Variants in MARCHF7 observed in about 807,000 individuals in gnomAD.
The protein encoded by MARCHF7 is E3 ubiquitin-protein ligase MARCHF7.
In MARCHF7, 20 loss-of-function variants were observed where a neutral mutation model predicts 76.5. The observed-to-expected ratio is 0.26, with a 90% confidence interval of 0.18 to 0.38. The LOEUF is 0.38. MARCHF7 is among the 10% of genes least tolerant of loss of function. The pLI is 1.00. For missense variants in MARCHF7, 797 were observed against 812.9 expected (o/e 0.98, Z 0.24); for synonymous variants, 295 against 293.0 (o/e 1.01, Z -0.07).
chr2:159,770,372 CTATCACTTTTT>C lies in MARCHF7; in HGVS notation c.*3031_*3041del, dbSNP rs1708100162. The stretch of plus-strand genomic sequence containing the variant: ...ATGTAGCCGCACTGTTAATAGTTTT[CTATCACTTTTT>C]AGTTACTCATGTCTCATTAATGATA... On this transcript the variant is annotated 3_prime_UTR_variant, in exon 12 of 12. Transcript: ENST00000409175. The C allele has an allele frequency of 1.3e-5, 2 of 151,226 alleles. No homozygotes were observed. The highest frequency in any genetic ancestry group is 4.9e-5 in the African/African-American group (2 of 40,552). 9.4% of individuals were successfully genotyped at this position (151,226 alleles called of 1,614,324 possible).
chr2:159,755,577 A>C (rs539424240), intron 8 of MARCHF7, among the ~76,000 whole-genome samples: 1 of 152,344 alleles, frequency 6.6e-6, no homozygotes, highest in Admixed American at 6.5e-5. Flanking sequence ...ATCGTTAGTC[A>C]GGAGGCACTG....
At chr2:159,756,612 A>G (rs184075843) in intron 8 of MARCHF7, among the ~76,000 whole-genome samples, 259 of 144,152 alleles carry the variant, frequency 1.8e-3, no homozygotes, top group African/African-American at 6.3e-3. Context: ...GCTTGAACCC[A>G]GGAGGTGGAG....
chr2:159,745,279 G>C (rs926964216), intron 5 of MARCHF7, among the ~76,000 whole-genome samples: 2 of 152,168 alleles, frequency 1.3e-5, no homozygotes, highest in Non-Finnish European at 2.9e-5. Context: ...AATTTTATAA[G>C]TGATTAGTTC....
rs3771723 is a variant in MARCHF7 at position 159,769,026 on chromosome 2, T to C, written c.*1684T>C. 33 of 152,322 alleles carry C rather than the reference T, an allele frequency of 2.2e-4. No individual in the cohort carries two copies. The East Asian group carries it at 3.5e-3, about 16-fold the overall frequency. 9.4% of individuals were successfully genotyped at this position (152,322 alleles called of 1,614,324 possible). A position where few individuals can be genotyped will look rare whatever the true frequency, so the allele number is the denominator to read the frequency against. ...CCTAGTACCACTTAGTATTTAAATA[T>C]TGTCATATTAGCTTCAGATTATCAT... On this transcript the variant is annotated 3_prime_UTR_variant, in exon 12 of 12. Coordinates refer to ENST00000409175, the MANE Select transcript of MARCHF7 (RefSeq NM_001282805.2).
chr2:159,755,631 T>G (rs534246801), intron 8 of MARCHF7, among the ~76,000 whole-genome samples: 2 of 151,870 alleles, frequency 1.3e-5, no homozygotes, highest in Non-Finnish European at 2.9e-5. Flanking sequence ...AAAAGAAAGG[T>G]TGGTGGTTAG....
Position 159,767,389 on chromosome 2 carries a change from A to C in MARCHF7, c.*47A>C, listed in dbSNP as rs750489566. The C allele has an allele frequency of 7.1e-7, 1 of 1,408,170 alleles. No individual in the cohort carries two copies. The highest frequency in any genetic ancestry group is 9.9e-7 in the Non-Finnish European group (1 of 1,005,344). The allele number at this position is 1,408,170 out of a possible 1,614,324, so 87.2% of individuals were successfully genotyped here. On this transcript the variant is annotated 3_prime_UTR_variant, in exon 12 of 12. Coordinates refer to ENST00000409175, the MANE Select transcript of MARCHF7 (RefSeq NM_001282805.2). ...GATCTGTGAACATAAGTGTTTATTAAAAATGGCAATTAAATATAAATTACT... is the reference window on the plus strand; with the variant it reads ...GATCTGTGAACATAAGTGTTTATTACAAATGGCAATTAAATATAAATTACT...
intron 4 of MARCHF7, among the ~76,000 whole-genome samples, chr2:159,734,480 A>T (rs1349649669): frequency 6.6e-6 from 1 of 152,218 alleles, no homozygotes; most frequent in Admixed American, 6.5e-5. Flanking sequence ...TTAAACAAGA[A>T]AATGAAAACA....
chr2:159,729,515 A>G (rs534641140), intron 4 of MARCHF7, among the ~76,000 whole-genome samples: 1 of 152,214 alleles, frequency 6.6e-6, no homozygotes, highest in South Asian at 2.1e-4. Context: ...GACTAAAAAT[A>G]CAAAAAAATT....
Position 159,728,993 on chromosome 2 carries a change from A to C in MARCHF7, c.-14-16A>C. The C allele has an allele frequency of 6.6e-7, 1 of 1,509,814 alleles. No homozygotes were observed. The highest frequency in any genetic ancestry group is 8.9e-7 in the Non-Finnish European group (1 of 1,127,758). 93.5% of individuals were successfully genotyped at this position (1,509,814 alleles called of 1,614,324 possible). ...TATTTTCCCAAAGGCAATTAATGAA[A>C]ATTTTTATTTCACAGAAAAATCTTT... On this transcript the variant is annotated splice_polypyrimidine_tract_variant and intron_variant, in intron 3 of 11. Transcript: ENST00000409175.
At chr2:159,734,626 G>C (rs1389042597) in intron 4 of MARCHF7, among the ~76,000 whole-genome samples, 5 of 151,964 alleles carry the variant, frequency 3.3e-5, no homozygotes, top group Non-Finnish European at 5.9e-5. Context: ...CTCATTTTGG[G>C]TATCAAGAAA....
intron 4 of MARCHF7, among the ~76,000 whole-genome samples, chr2:159,737,649 A>G (rs2081723): frequency 0.35 from 52,447 of 152,012 alleles, 9,252 homozygotes; most frequent in South Asian, 0.44. Context: ...TTAGCTGTGC[A>G]TGGTGTCGCA....
chr2:159,734,764 G>A (rs1240806178), intron 4 of MARCHF7, among the ~76,000 whole-genome samples: 3 of 147,646 alleles, frequency 2.0e-5, no homozygotes, highest in Admixed American at 1.4e-4. Context: ...TTGTGGCCAG[G>A]AGTTCGAGAC....
At chr2:159,718,806 A>G (rs539154127) in intron 3 of MARCHF7, among the ~76,000 whole-genome samples, 10 of 152,080 alleles carry the variant, frequency 6.6e-5, no homozygotes, top group African/African-American at 2.4e-4. Flanking sequence ...TCTACTAGAG[A>G]TAAGTTTGTG....
intron 6 of MARCHF7, among the ~76,000 whole-genome samples, chr2:159,746,764 A>T (rs536915703): frequency 2.6e-5 from 4 of 152,360 alleles, no homozygotes; most frequent in Non-Finnish European, 5.9e-5. Context: ...AAAAGGTGCT[A>T]ATTGAAGTTG....
At chr2:159,738,003 T>G (rs1490860954) in intron 4 of MARCHF7, among the ~76,000 whole-genome samples, 1 of 152,216 alleles carries the variant, frequency 6.6e-6, no homozygotes, top group African/African-American at 2.4e-5. Flanking sequence ...GCAGGCTTTG[T>G]TCGACTCGTG....
intron 8 of MARCHF7, among the ~76,000 whole-genome samples, chr2:159,754,605 G>A (rs533156666): frequency 6.6e-6 from 1 of 152,068 alleles, no homozygotes; most frequent in South Asian, 2.1e-4. Flanking sequence ...TTTGAGGTAG[G>A]GGATTTTAAG....
intron 3 of MARCHF7, among the ~76,000 whole-genome samples, chr2:159,720,333 T>A (rs1428507796): frequency 6.6e-6 from 1 of 152,212 alleles, no homozygotes; most frequent in Non-Finnish European, 1.5e-5. Context: ...CATGGAGGAT[T>A]TCTGAAGAGT....
At chr2:159,748,941 A>G in intron 7 of MARCHF7, 38 bp downstream of exon 7, 2 of 1,496,670 alleles carry the variant, frequency 1.3e-6, no homozygotes, top group Non-Finnish European at 1.8e-6. Context: ...ATAAATCAAA[A>G]ATAGAGAAAG....
intron 4 of MARCHF7, 132 bp downstream of exon 4, chr2:159,729,307 A>G (rs1457965001): frequency 1.9e-6 from 1 of 536,372 alleles, no homozygotes; most frequent in Non-Finnish European, 3.0e-6. Flanking sequence ...TATATGTAGC[A>G]AAATGAATAA....
Sources: gnomAD v4.1 joint callset for allele counts (sites outside exome capture counted in the v4.1 genomes callset) on GRCh38, gnomAD v4.1.1 for gene constraint, MANE v1.5 for transcripts, NCBI Gene and HGNC (gene_info 2026-07-23, HGNC 2026-07-21) for gene names.